Variants in GABRG3 observed in about 807,000 individuals in gnomAD.
GABRG3 encodes gamma-aminobutyric acid receptor subunit gamma-3.
Under a neutral mutation model 48.8 loss-of-function variants are expected in GABRG3, and 25 were observed. The observed-to-expected ratio is 0.51, with a 90% CI of 0.37 to 0.72. The LOEUF (loss-of-function observed/expected upper bound fraction) is 0.72, where lower values mean the gene tolerates loss of function less well. GABRG3 is among the 30% of genes least tolerant of loss of function. The probability of loss-of-function intolerance (pLI) is 0.00; values close to 1 mark genes in which losing one functional copy is unlikely to be tolerated. For missense variants in GABRG3, 394 were observed against 577.9 expected (o/e 0.68, Z 3.26); for synonymous variants, 227 against 217.6 (o/e 1.04, Z -0.38).
At chr15:27,376,378 C>T (rs1199930565) in intron 5 of GABRG3, among the ~76,000 whole-genome samples, 2 of 152,230 alleles carry the variant, frequency 1.3e-5, no homozygotes. Context: ...CCTCTTCTCA[C>T]AGCTCCACTA....
intron 5 of GABRG3, among the ~76,000 whole-genome samples, chr15:27,389,145 A>G (rs982568782): frequency 6.6e-6 from 1 of 152,222 alleles, no homozygotes; most frequent in Admixed American, 6.5e-5. Context: ...GGAAATTTAC[A>G]CACAAGAAAG....
At chr15:27,297,629 A>G (rs919924015) in intron 3 of GABRG3, among the ~76,000 whole-genome samples, 5 of 152,322 alleles carry the variant, frequency 3.3e-5, no homozygotes, top group South Asian at 4.1e-4. Flanking sequence ...ATACCATTCT[A>G]TGTTTGTGTA....
At chr15:26,995,675 T>C (rs559002768) in intron 2 of GABRG3, among the ~76,000 whole-genome samples, 1 of 152,160 alleles carries the variant, frequency 6.6e-6, no homozygotes, top group Admixed American at 6.5e-5. Flanking sequence ...ATACATGTCA[T>C]TGAAATTTTT....
intron 9 of GABRG3, chr15:27,530,550 A>G (rs1368674881): frequency 2.2e-6 from 1 of 462,910 alleles, no homozygotes; most frequent in Non-Finnish European, 4.5e-6. Flanking sequence ...AATATTGTAA[A>G]TATGATATCC....
intron 3 of GABRG3, among the ~76,000 whole-genome samples, chr15:27,167,034 T>TAAGAAG (rs1887396870): frequency 6.6e-6 from 1 of 152,166 alleles, no homozygotes; most frequent in Non-Finnish European, 1.5e-5. Flanking sequence ...GAGTAAATAC[T>TAAGAAG]TCTTTAGCTA....
At chr15:27,133,177 G>T (rs561447551) in intron 3 of GABRG3, among the ~76,000 whole-genome samples, 1 of 152,106 alleles carries the variant, frequency 6.6e-6, no homozygotes, top group East Asian at 1.9e-4. Context: ...CTAAACTATA[G>T]AGAAAAGTGA....
intron 5 of GABRG3, among the ~76,000 whole-genome samples, chr15:27,444,511 G>A (rs932324973): frequency 1.1e-4 from 17 of 152,062 alleles, no homozygotes; most frequent in Admixed American, 7.9e-4. Context: ...CGAAGTTTCT[G>A]TATCTTTATG....
At chr15:26,972,074 CG>C (rs1470451299) in intron 1 of GABRG3, among the ~76,000 whole-genome samples, 1 of 151,970 alleles carries the variant, frequency 6.6e-6, no homozygotes, top group African/African-American at 2.4e-5. Context: ...GAGGCAGGCG[CG>C]GGGGGATTGG....
intron 5 of GABRG3, among the ~76,000 whole-genome samples, chr15:27,425,481 G>A (rs1004969126): frequency 2.6e-5 from 4 of 151,534 alleles, no homozygotes; most frequent in African/African-American, 9.7e-5. Context: ...CGTGGTGGTG[G>A]GCGCCTGTAG....
chr15:27,341,643 G>T (rs963891096), intron 5 of GABRG3, among the ~76,000 whole-genome samples: 40 of 152,108 alleles, frequency 2.6e-4, no homozygotes, highest in African/African-American at 9.4e-4. Context: ...CACGCAGGGG[G>T]CAAGGCTTTG....
intron 5 of GABRG3, among the ~76,000 whole-genome samples, chr15:27,359,726 A>T (rs1258399663): frequency 2.0e-5 from 3 of 152,324 alleles, no homozygotes; most frequent in East Asian, 1.9e-4. Context: ...GGCAAATGGC[A>T]TGTTGCGGTT....
intron 5 of GABRG3, among the ~76,000 whole-genome samples, chr15:27,400,229 T>G (rs987970132): frequency 6.6e-6 from 1 of 152,230 alleles, no homozygotes; most frequent in African/African-American, 2.4e-5. Context: ...CCATTATATT[T>G]TTTAAATGTT....
chr15:27,460,456 G>A (rs1387092236), intron 5 of GABRG3, among the ~76,000 whole-genome samples: 1 of 152,190 alleles, frequency 6.6e-6, no homozygotes, highest in Admixed American at 6.5e-5. Flanking sequence ...GGAGAACCAG[G>A]AAACTCACAC....
At chr15:27,141,708 C>T (rs1898106373) in intron 3 of GABRG3, among the ~76,000 whole-genome samples, 1 of 152,162 alleles carries the variant, frequency 6.6e-6, no homozygotes. Context: ...AAAAATATGT[C>T]TCTCTGATCC....
intron 6 of GABRG3, among the ~76,000 whole-genome samples, chr15:27,491,178 C>T (rs538312263): frequency 2.0e-5 from 3 of 152,326 alleles, no homozygotes; most frequent in African/African-American, 7.2e-5. Context: ...CATGCAAGCC[C>T]AGCTCCCTCA....
intron 3 of GABRG3, among the ~76,000 whole-genome samples, chr15:27,191,922 T>G (rs528934719): frequency 2.3e-3 from 353 of 152,214 alleles, no homozygotes; most frequent in African/African-American, 8.2e-3. Context: ...GCAGGCCTGG[T>G]GGTGACAAAA....
At chr15:27,113,498 TG>T in intron 3 of GABRG3, among the ~76,000 whole-genome samples, 1 of 152,056 alleles carries the variant, frequency 6.6e-6, no homozygotes, top group East Asian at 1.9e-4. Flanking sequence ...GGTGGAGGGC[TG>T]GGGGTGATGC....
At chr15:27,231,889 C>A (rs1249737702) in intron 3 of GABRG3, among the ~76,000 whole-genome samples, 1 of 152,116 alleles carries the variant, frequency 6.6e-6, no homozygotes, top group East Asian at 1.9e-4. Context: ...TTTTCTACTT[C>A]ATTGTCTGAT....
intron 2 of GABRG3, among the ~76,000 whole-genome samples, chr15:27,025,942 C>T (rs1360873692): frequency 6.6e-6 from 1 of 152,160 alleles, no homozygotes; most frequent in Non-Finnish European, 1.5e-5. Flanking sequence ...AGGACATCAG[C>T]CCCCGACTCA....
Sources: gnomAD v4.1 joint callset for allele counts (sites outside exome capture counted in the v4.1 genomes callset) on GRCh38, gnomAD v4.1.1 for gene constraint, MANE v1.5 for transcripts, NCBI Gene and HGNC (gene_info 2026-07-23, HGNC 2026-07-21) for gene names.